Variants in CSMD3 observed in about 807,000 individuals in gnomAD.
CSMD3 encodes CUB and sushi domain-containing protein 3.
A neutral mutation model predicts 435.2 loss-of-function variants in CSMD3; 177 were observed. The ratio of observed to expected loss-of-function variants is 0.41; its 90% confidence interval spans 0.36 to 0.46. The LOEUF (loss-of-function observed/expected upper bound fraction) is 0.46. Ranked by LOEUF, CSMD3 falls within the 20% of genes least tolerant of loss-of-function variation. The pLI is 0.34. For synonymous variants in CSMD3, 1,656 were observed against 1,520.5 expected, an observed-to-expected ratio of 1.09 and a Z score of -2.07; for missense variants, 4,265 against 4,504.6, an observed-to-expected ratio of 0.95 and a Z score of 1.52.
chr8:113,382,660 G>T (rs543704655), intron 1 of CSMD3, among the ~76,000 whole-genome samples: 2 of 152,150 alleles, frequency 1.3e-5, no homozygotes, highest in Non-Finnish European at 2.9e-5. Flanking sequence ...TAAGCATATG[G>T]TTACTAGTCA....
intron 13 of CSMD3, among the ~76,000 whole-genome samples, chr8:112,704,280 G>A (rs1299523947): frequency 6.6e-6 from 1 of 151,960 alleles, no homozygotes; most frequent in East Asian, 1.9e-4. Context: ...AGCCCAACAA[G>A]AATATTTTAA....
At chr8:112,603,578 G>A (rs1192294229) in intron 22 of CSMD3, among the ~76,000 whole-genome samples, 1 of 152,124 alleles carries the variant, frequency 6.6e-6, no homozygotes, top group Non-Finnish European at 1.5e-5. Flanking sequence ...TGGTCTGTAA[G>A]TGTTTGTGTG....
At chr8:113,215,699 C>G (rs772472194) in intron 3 of CSMD3, among the ~76,000 whole-genome samples, 67 of 151,810 alleles carry the variant, frequency 4.4e-4, no homozygotes, top group Non-Finnish European at 5.6e-4. Context: ...AAAACAAAAA[C>G]ATATAGCCTT....
At chr8:113,127,238 T>C (rs890792447) in intron 4 of CSMD3, among the ~76,000 whole-genome samples, 2 of 152,054 alleles carry the variant, frequency 1.3e-5, no homozygotes, top group African/African-American at 4.8e-5. Context: ...CACTAGAAAT[T>C]GGAGTTCCAA....
At chr8:112,552,781 A>T (rs2131203475) in intron 25 of CSMD3, 61 bp from the exon 26 acceptor site, 1 of 1,499,542 alleles carries the variant, frequency 6.7e-7, no homozygotes, top group Non-Finnish European at 9.2e-7. Context: ...AAAACAATCT[A>T]CAAATTTCTC....
At chr8:112,410,884 G>C (rs1011296192) in intron 32 of CSMD3, among the ~76,000 whole-genome samples, 5 of 150,074 alleles carry the variant, frequency 3.3e-5, no homozygotes, top group African/African-American at 1.2e-4. Flanking sequence ...CTAATCACGG[G>C]AATTTTGTTA....
intron 10 of CSMD3, among the ~76,000 whole-genome samples, chr8:112,873,926 TC>T (rs1299135821): frequency 1.2e-4 from 19 of 152,184 alleles, no homozygotes; most frequent in Admixed American, 1.2e-3. Context: ...TCTGCTGTGA[TC>T]TTAGTTATTT....
intron 13 of CSMD3, among the ~76,000 whole-genome samples, chr8:112,764,804 T>C (rs1249870355): frequency 1.3e-5 from 2 of 151,732 alleles, no homozygotes; most frequent in East Asian, 1.9e-4. Context: ...AGTTAAGGTG[T>C]CTTTACAAAT....
chr8:112,799,410 A>C (rs1267620324), intron 13 of CSMD3, among the ~76,000 whole-genome samples: 1 of 152,026 alleles, frequency 6.6e-6, no homozygotes, highest in Admixed American at 6.6e-5. Context: ...AATAGTAATG[A>C]TAATTCAAGC....
chr8:112,775,883 C>T (rs552654685), intron 13 of CSMD3, among the ~76,000 whole-genome samples: 8 of 151,830 alleles, frequency 5.3e-5, no homozygotes, highest in Admixed American at 2.6e-4. Context: ...AAAACTAATA[C>T]CTTTTATCTA....
chr8:112,537,739 A>T (rs12334311), intron 27 of CSMD3, among the ~76,000 whole-genome samples: 46,731 of 151,546 alleles, frequency 0.31, 7,344 homozygotes, highest in East Asian at 0.47. Flanking sequence ...AAAAAAAAAA[A>T]GTCCCCCATC....
chr8:112,680,797 G>A (rs1018752991), intron 16 of CSMD3, among the ~76,000 whole-genome samples: 4 of 152,122 alleles, frequency 2.6e-5, no homozygotes, highest in African/African-American at 9.7e-5. Flanking sequence ...TCCAATGAAA[G>A]TCATCAATAT....
At chr8:112,891,328 A>G (rs1218140801) in intron 10 of CSMD3, among the ~76,000 whole-genome samples, 1 of 151,706 alleles carries the variant, frequency 6.6e-6, no homozygotes, top group Non-Finnish European at 1.5e-5. Context: ...GCACTCTGCC[A>G]TAGAGCCTCC....
At chr8:112,713,357 AAAATAAATAAATAAAT>A (rs71309785) in intron 13 of CSMD3, among the ~76,000 whole-genome samples, 26 of 146,780 alleles carry the variant, frequency 1.8e-4, no homozygotes, top group South Asian at 4.5e-4. Flanking sequence ...ACAAGATTAG[AAAATAAATAAATAAAT>A]AAATAAATAA....
chr8:113,423,363 T>G (rs926742578), intron 1 of CSMD3, among the ~76,000 whole-genome samples: 1 of 152,076 alleles, frequency 6.6e-6, no homozygotes, highest in African/African-American at 2.4e-5. Flanking sequence ...TTCTCTGAGA[T>G]TCTCTTTTGT....
rs186094597 is a variant in CSMD3, at chr8:112,545,610, A to G, written c.4564+5061T>C. On this transcript the variant is annotated intron_variant, in intron 27 of 70. Coordinates refer to ENST00000297405, the MANE Select transcript of CSMD3 (RefSeq NM_198123.2). Reference sequence around the variant, plus strand: ...GCTTCATTTTATCTCTAAGTGTCCTATGTTCTATCCTTGAAAGGTAAGTGT... The same window carrying G: ...GCTTCATTTTATCTCTAAGTGTCCTGTGTTCTATCCTTGAAAGGTAAGTGT... Among the ~76,000 whole-genome samples, 638 of 151,618 alleles carry G rather than the reference A, an allele frequency of 4.2e-3. 4 individuals are homozygous for G. Among genetic ancestry groups the G allele is most frequent in the African/African-American group, 0.013 (552 of 41,258 alleles).
chr8:112,727,304 C>A (rs2076986930), intron 13 of CSMD3, among the ~76,000 whole-genome samples: 1 of 151,624 alleles, frequency 6.6e-6, no homozygotes, highest in Non-Finnish European at 1.5e-5. Context: ...GAATATACTG[C>A]AATTAATTGG....
chr8:113,336,041 T>C (rs2094071644), intron 1 of CSMD3, among the ~76,000 whole-genome samples: 1 of 152,080 alleles, frequency 6.6e-6, no homozygotes, highest in Non-Finnish European at 1.5e-5. Flanking sequence ...CTTTTATAAT[T>C]CCAATGACAC....
At chr8:112,788,544 TTC>T (rs1380610946) in intron 13 of CSMD3, among the ~76,000 whole-genome samples, 1 of 152,126 alleles carries the variant, frequency 6.6e-6, no homozygotes, top group Non-Finnish European at 1.5e-5. Context: ...AAAAAACACA[TTC>T]TGTTTTTCAT....
Sources: gnomAD v4.1 joint callset for allele counts (sites outside exome capture counted in the v4.1 genomes callset) on GRCh38, gnomAD v4.1.1 for gene constraint, MANE v1.5 for transcripts, NCBI Gene and HGNC (gene_info 2026-07-23, HGNC 2026-07-21) for gene names.